ADGB: variants seen among roughly 807,000 people sequenced by gnomAD.
ADGB encodes the protein androglobin, also known as calpain-7-like protein.
Under a neutral mutation model 210.5 loss-of-function variants are expected in ADGB, and 172 were observed. The observed-to-expected ratio is 0.82, with a 90% CI of 0.72 to 0.93. The LOEUF is 0.93. Among genes scored for constraint, ADGB ranks in the 40% least tolerant of loss-of-function variants. The pLI is 0.00. For missense variants in ADGB, 2,025 were observed against 1,964.8 expected (o/e 1.03, Z -0.58); for synonymous variants, 658 against 662.7 (o/e 0.99, Z 0.11).
intron 29 of ADGB, 96 bp downstream of exon 29, chr6:146,769,227 TTGTA>T: frequency 3.3e-6 from 2 of 603,872 alleles, no homozygotes; most frequent in Middle Eastern, 4.9e-4. Context: ...GAAAATATCA[TTGTA>T]TGATGTTTTA....
intron 6 of ADGB, among the ~76,000 whole-genome samples, chr6:146,665,188 C>T (rs1775922376): frequency 6.6e-6 from 1 of 152,166 alleles, no homozygotes; most frequent in African/African-American, 2.4e-5. Context: ...GCTCACAGCT[C>T]AGCCCCCTCC....
chr6:146,703,147 C>G (rs1032870118), intron 13 of ADGB, among the ~76,000 whole-genome samples: 14 of 151,736 alleles, frequency 9.2e-5, no homozygotes, highest in African/African-American at 1.5e-4. Flanking sequence ...TCCTATTTTA[C>G]CAATTCATAG....
At chr6:146,654,046 T>C (rs1426692324) in intron 3 of ADGB, 89 bp from the exon 4 acceptor site, 2 of 860,936 alleles carry the variant, frequency 2.3e-6, no homozygotes, top group Non-Finnish European at 3.4e-6. Context: ...AATTGCAACT[T>C]CAGGCATAAA....
At chr6:146,659,676 T>C (rs994968607) in intron 5 of ADGB, among the ~76,000 whole-genome samples, 17 of 152,170 alleles carry the variant, frequency 1.1e-4, no homozygotes, top group African/African-American at 2.4e-4. Flanking sequence ...CTCAGCCAGA[T>C]AGAAATTTAT....
chr6:146,638,027 A>G (rs1252093069), intron 2 of ADGB, among the ~76,000 whole-genome samples: 1 of 152,080 alleles, frequency 6.6e-6, no homozygotes, highest in Non-Finnish European at 1.5e-5. Flanking sequence ...CACATCAAAA[A>G]GCTAATCCAC....
At chr6:146,627,793 T>C (rs1292248080) in intron 1 of ADGB, among the ~76,000 whole-genome samples, 3 of 152,160 alleles carry the variant, frequency 2.0e-5, no homozygotes, top group Non-Finnish European at 4.4e-5. Context: ...TATACCTTGC[T>C]GTCCCCCAAA....
intron 2 of ADGB, among the ~76,000 whole-genome samples, chr6:146,636,557 G>A (rs550606736): frequency 2.0e-5 from 3 of 152,108 alleles, no homozygotes; most frequent in Admixed American, 6.6e-5. Context: ...CATATTCTAT[G>A]TATTTTTTTC....
chr6:146,615,005 A>G (rs905154604), intron 1 of ADGB, among the ~76,000 whole-genome samples: 2 of 151,438 alleles, frequency 1.3e-5, no homozygotes, highest in African/African-American at 4.9e-5. Flanking sequence ...GGTTCACGCC[A>G]TTGTCTTGCC....
rs527731303 is a variant in ADGB, at chr6:146,807,373, T to A, written c.4818+5362T>A. On this transcript the variant is annotated intron_variant, in intron 35 of 35. Transcript: ENST00000397944. ...GAACGTAAGCCTTTACCAGTGGAAT[T>A]ATTTGTTTGGGGTTTTGCTTTGGAA... is the stretch of plus-strand genomic sequence containing the variant. 2.1e-5 allele frequency: 32 copies of A among 1,546,678 alleles called. 1 individual carries two copies. Among genetic ancestry groups the A allele is most frequent in the Middle Eastern group, 3.3e-4 (2 of 5,972 alleles).
chr6:146,637,575 C>T (rs1309643795), intron 2 of ADGB, among the ~76,000 whole-genome samples: 1 of 151,844 alleles, frequency 6.6e-6, no homozygotes, highest in Admixed American at 6.6e-5. Flanking sequence ...AGACAGTGCA[C>T]CAGACCAGCT....
chr6:146,686,665 G>T (rs1776237966), intron 10 of ADGB, among the ~76,000 whole-genome samples: 1 of 152,052 alleles, frequency 6.6e-6, no homozygotes, highest in Non-Finnish European at 1.5e-5. Context: ...CCTTGTGATG[G>T]TGAAGTCCAT....
At chr6:146,772,259 GA>G (rs1583631895) in intron 29 of ADGB, among the ~76,000 whole-genome samples, 1 of 151,730 alleles carries the variant, frequency 6.6e-6, no homozygotes, top group African/African-American at 2.4e-5. Context: ...AGGTATTTGT[GA>G]AAAAATTTTA....
In ADGB at chr6:146,801,230, C is replaced by T. The variant is rs1240602803; in HGVS notation, c.4585C>T (p.Arg1529Ter). 1.7e-5 allele frequency: 25 copies of T among 1,511,920 alleles called. No individual in the cohort carries two copies. Among genetic ancestry groups the T allele is most frequent in the East Asian group, 2.6e-5 (1 of 37,938 alleles). 93.7% of individuals were successfully genotyped at this position (1,511,920 alleles called of 1,614,324 possible). The change falls in exon 34 of 36, where the codon CGA (arginine) becomes TGA (stop). Residue 1529 changes from arginine (R) to a stop codon, truncating the protein, a stop_gained. Transcript: ENST00000397944. LOFTEE classifies it high-confidence loss of function. ...RSPTILETSP[R>*]LIRKALEFMD... Reference sequence around the variant, plus strand: ...TCCAACAATTTTGGAAACATCTCCACGACTTATTCGAAAAGCACTAGAATT... The same window carrying T: ...TCCAACAATTTTGGAAACATCTCCATGACTTATTCGAAAAGCACTAGAATT...
At chr6:146,638,127 A>G (rs192093274) in intron 2 of ADGB, among the ~76,000 whole-genome samples, 32 of 152,154 alleles carry the variant, frequency 2.1e-4, no homozygotes, top group Admixed American at 5.9e-4. Context: ...ACACAACTAA[A>G]GACAAAAACC....
chr6:146,637,421 A>C (rs1775440155), intron 2 of ADGB, among the ~76,000 whole-genome samples: 1 of 151,982 alleles, frequency 6.6e-6, no homozygotes, highest in South Asian at 2.1e-4. Context: ...TCAACTCCTA[A>C]ACTATGTATG....
intron 25 of ADGB, 119 bp from the exon 26 acceptor site, chr6:146,745,803 G>T: frequency 1.5e-6 from 1 of 679,898 alleles, no homozygotes; most frequent in Non-Finnish European, 2.2e-6. Context: ...TGTTTATTAA[G>T]AGATCTTGGG....
chr6:146,773,300 A>G (rs1329364525), intron 29 of ADGB, among the ~76,000 whole-genome samples: 1 of 151,600 alleles, frequency 6.6e-6, no homozygotes, highest in Non-Finnish European at 1.5e-5. Context: ...AAGATCGTAC[A>G]TACCAATTAA....
intron 13 of ADGB, among the ~76,000 whole-genome samples, chr6:146,707,847 T>C (rs1307477145): frequency 2.0e-5 from 3 of 152,128 alleles, no homozygotes; most frequent in Non-Finnish European, 2.9e-5. Context: ...AGATGATTAT[T>C]GGTAGGTAAG....
chr6:146,650,697 T>C (rs778909824), intron 3 of ADGB, among the ~76,000 whole-genome samples: 7 of 148,510 alleles, frequency 4.7e-5, no homozygotes, highest in Non-Finnish European at 1.0e-4. Flanking sequence ...CCTGTTTTGC[T>C]GAATTCTGAC....
Sources: allele counts gnomAD v4.1 joint callset (sites outside exome capture counted in the v4.1 genomes callset), GRCh38; gene constraint gnomAD v4.1.1; transcripts MANE v1.5; gene names NCBI Gene and HGNC (gene_info 2026-07-23, HGNC 2026-07-21).